The following UBR2 variants were observed in gnomAD, a reference collection of about 807,000 sequenced individuals.
UBR2 encodes E3 ubiquitin-protein ligase UBR2.
A neutral mutation model predicts 247.9 loss-of-function variants in UBR2; 92 were observed. The ratio of observed to expected loss-of-function variants is 0.37; its 90% confidence interval spans 0.31 to 0.44. UBR2 has a LOEUF of 0.44. Ranked by LOEUF, UBR2 falls within the 20% of genes least tolerant of loss-of-function variation. The pLI, the probability that UBR2 is intolerant of heterozygous loss-of-function variation, is 1.00. For missense variants in UBR2, 1,613 were observed against 2,112.6 expected (o/e 0.76, Z 4.64); for synonymous variants, 672 against 693.5 (o/e 0.97, Z 0.49).
rs190250057 is a variant in UBR2 at position 42,643,306 on chromosome 6, A to G, written c.2097+825A>G. ...GAATGGATTTAGTCATTATAGAAAA[A>G]TAAAGCTGGCTAGGCACAGAGGCTC... On this transcript the variant is annotated intron_variant, in intron 18 of 46. Transcript: ENST00000372901. Among the ~76,000 whole-genome samples, 3 of 152,266 alleles carry G rather than the reference A, an allele frequency of 2.0e-5. No individual in the cohort carries two copies. The East Asian group carries it at 5.8e-4, about 29-fold the overall frequency.
At chr6:42,633,581 G>C (rs555448533) in intron 13 of UBR2, among the ~76,000 whole-genome samples, 4 of 152,052 alleles carry the variant, frequency 2.6e-5, no homozygotes, top group Non-Finnish European at 5.9e-5. Context: ...AATAGAGATA[G>C]GGTTTCACCA....
intron 2 of UBR2, among the ~76,000 whole-genome samples, chr6:42,582,066 G>A (rs1283042276): frequency 3.9e-5 from 6 of 151,944 alleles, no homozygotes; most frequent in Admixed American, 1.3e-4. Context: ...GGTGGATCAC[G>A]AGGTCCGGAG....
In UBR2 at chr6:42,644,226, A is replaced by G. The variant is rs1229040411; in HGVS notation, c.2110A>G (p.Met704Val). The G allele has an allele frequency of 3.7e-6, 6 of 1,607,360 alleles. No individual in the cohort carries two copies. The highest frequency in any genetic ancestry group is 4.2e-6 in the Non-Finnish European group (5 of 1,178,594). Residue 704 changes from methionine to valine, a missense_variant, in exon 19 of 47, where the codon ATG becomes GTG. By Grantham distance (21) the Met-to-Val change is conservative. This residue lies in a region of UBR2 where 1,524 missense variants were observed against 1,967.3 expected (regional missense o/e 0.77). Transcript: ENST00000372901. The part of the protein sequence containing the change: ...DVVMLQTGVS[M>V]MDPNHFLMIM... ...AAAAAAAAAAAAGACAGGTGTCTCC[A>G]TGATGGATCCAAATCATTTCCTGAT...
At chr6:42,658,356 T>G (rs1344908950) in intron 28 of UBR2, 36 bp downstream of exon 28, 3 of 1,562,120 alleles carry the variant, frequency 1.9e-6, no homozygotes, top group Non-Finnish European at 2.6e-6. Flanking sequence ...TACTAAAAAA[T>G]TACAGCAAGT....
chr6:42,612,061 G>C, intron 7 of UBR2, 110 bp from the exon 8 acceptor site: 1 of 998,160 alleles, frequency 1.0e-6, no homozygotes, highest in Non-Finnish European at 1.3e-6. Context: ...CCATGAAAAA[G>C]TCTCCTATGA....
chr6:42,635,357 T>C, intron 13 of UBR2, 61 bp from the exon 14 acceptor site: 1 of 1,517,432 alleles, frequency 6.6e-7, no homozygotes, highest in Non-Finnish European at 9.0e-7. Context: ...ACTTCTTAGG[T>C]TTCCATATAA....
At chr6:42,632,069 A>AAATATATATAT (rs56721828) in intron 11 of UBR2, among the ~76,000 whole-genome samples, 7 of 114,076 alleles carry the variant, frequency 6.1e-5, no homozygotes, top group African/African-American at 2.4e-4. Flanking sequence ...AAAAAAAAAA[A>AAATATATATAT]ATATATATAT....
intron 33 of UBR2, 124 bp from the exon 34 acceptor site, chr6:42,666,043 T>A: frequency 1.4e-6 from 1 of 709,118 alleles, no homozygotes; most frequent in Non-Finnish European, 2.3e-6. Flanking sequence ...TTCATATGGT[T>A]GTTATGCCAG....
intron 11 of UBR2, among the ~76,000 whole-genome samples, chr6:42,631,863 TATATA>T (rs1562332941): frequency 0.013 from 1,132 of 89,792 alleles, 15 homozygotes; most frequent in African/African-American, 0.036. Context: ...TCTGATTTTA[TATATA>T]TATATATATA....
chr6:42,644,345 G>A lies in UBR2; in HGVS notation c.2220+9G>A, dbSNP rs374883200. The A allele has an allele frequency of 9.3e-6, 15 of 1,609,824 alleles. No individual in the cohort carries two copies. Among genetic ancestry groups the A allele is most frequent in the Non-Finnish European group, 1.2e-5 (14 of 1,178,958 alleles). On this transcript the variant is annotated intron_variant, in intron 19 of 46. Coordinates refer to ENST00000372901, the MANE Select transcript of UBR2 (RefSeq NM_001363705.2). ...CTGAGATTACCCATAAGGTAAGAACGTGTTTTATGAAACCACAACACATTG... is the reference window on the plus strand; with the variant it reads ...CTGAGATTACCCATAAGGTAAGAACATGTTTTATGAAACCACAACACATTG...
In UBR2 at chr6:42,631,891, A is replaced by AT. The variant is rs752152787; in HGVS notation, c.1282-661_1282-660insT. Among the ~76,000 whole-genome samples the AT allele has an allele frequency of 8.3e-3, 945 of 114,026 alleles. 34 individuals carry two copies. Among genetic ancestry groups the AT allele is most frequent in the African/African-American group, 0.018 (514 of 28,976 alleles). The allele number at this position is 114,026 out of a possible 152,430, so 74.8% of individuals were successfully genotyped here. A position where few individuals can be genotyped will look rare whatever the true frequency, so the allele number is the denominator to read the frequency against. On this transcript the variant is annotated intron_variant, in intron 11 of 46. Transcript: ENST00000372901. The stretch of plus-strand genomic sequence containing the variant: ...ATATATATATATATATATATATATA[A>AT]ATACAGGTTCTGTAATTATATATAT...
chr6:42,676,293 T>C, intron 39 of UBR2, 102 bp downstream of exon 39: 1 of 1,262,818 alleles, frequency 7.9e-7, no homozygotes, highest in Non-Finnish European at 1.1e-6. Flanking sequence ...GAATAACACA[T>C]GAATAAGGCT....
chr6:42,606,554 A>G (rs1386772833), intron 6 of UBR2, 35 bp from the exon 7 acceptor site: 7 of 1,571,592 alleles, frequency 4.5e-6, no homozygotes, highest in Middle Eastern at 3.4e-4. Flanking sequence ...ATTGAATACA[A>G]TACTTTTACA....
chr6:42,666,554 T>C (rs1376228386), intron 34 of UBR2, among the ~76,000 whole-genome samples: 1 of 152,104 alleles, frequency 6.6e-6, no homozygotes, highest in African/African-American at 2.4e-5. Flanking sequence ...ATTAAAAAAA[T>C]CTAAGAACCA....
intron 22 of UBR2, among the ~76,000 whole-genome samples, chr6:42,648,872 C>T (rs983410287): frequency 1.3e-5 from 2 of 151,694 alleles, no homozygotes; most frequent in African/African-American, 2.4e-5. Flanking sequence ...GGGTTCATTT[C>T]GTATTTACTA....
At chr6:42,603,792 A>G in intron 5 of UBR2, 74 bp downstream of exon 5, 1 of 1,413,880 alleles carries the variant, frequency 7.1e-7, no homozygotes, top group Non-Finnish European at 9.4e-7. Context: ...AGTATAGGGC[A>G]TAATCATTTT....
intron 4 of UBR2, among the ~76,000 whole-genome samples, chr6:42,597,729 G>A (rs1012788868): frequency 2.0e-5 from 3 of 151,526 alleles, no homozygotes; most frequent in African/African-American, 4.9e-5. Flanking sequence ...GCTTGGTCTC[G>A]AACATGGAGA....
chr6:42,596,490 C>T (rs1792985481), intron 4 of UBR2, among the ~76,000 whole-genome samples: 1 of 151,840 alleles, frequency 6.6e-6, no homozygotes, highest in African/African-American at 2.4e-5. Flanking sequence ...GATATATACC[C>T]AAAAGAACTG....
chr6:42,604,311 T>C (rs1793562089), intron 5 of UBR2, among the ~76,000 whole-genome samples: 1 of 152,196 alleles, frequency 6.6e-6, no homozygotes, highest in Non-Finnish European at 1.5e-5. Context: ...CAACCTTCTT[T>C]CTTACTTAGA....
Sources: gnomAD v4.1 joint callset for allele counts (sites outside exome capture counted in the v4.1 genomes callset) on GRCh38, gnomAD v4.1.1 for gene constraint, gnomAD v4.1.1 regional missense constraint, MANE v1.5 for transcripts, NCBI Gene and HGNC (gene_info 2026-07-23, HGNC 2026-07-21) for gene names.